The following ADGRV1 variants were observed in gnomAD, a reference collection of about 807,000 sequenced individuals.
ADGRV1 encodes the protein adhesion G protein-coupled receptor V1.
ADGRV1 carries 359 observed loss-of-function variants against 596.2 expected under a neutral mutation model. The ratio of observed to expected loss-of-function variants is 0.60; its 90% CI spans 0.55 to 0.66. The LOEUF is 0.66. ADGRV1 is among the 30% of genes least tolerant of loss of function. ADGRV1 has a pLI of 0.00. For missense variants in ADGRV1, 7,274 were observed against 7,575.6 expected, an observed-to-expected ratio of 0.96 and a Z score of 1.48; for synonymous variants, 2,681 against 2,679.2, an observed-to-expected ratio of 1.00 and a Z score of -0.02.
Position 90,558,814 on chromosome 5 carries a change from G to T in ADGRV1, c.-82G>T, listed in dbSNP as rs1321757708. On this transcript the variant is annotated 5_prime_UTR_variant, in exon 1 of 90. Coordinates refer to ENST00000405460, the MANE Select transcript of ADGRV1 (RefSeq NM_032119.4). ...CCTGTAGTGGTAGTAAGAATCAGCA[G>T]CGCGGGCAAGGAGTACGGACGGGAG... 4 of 1,376,540 alleles carry T rather than the reference G, an allele frequency of 2.9e-6. No individual in the cohort carries two copies. Among genetic ancestry groups the T allele is most frequent in the Non-Finnish European group, 4.1e-6 (4 of 987,186 alleles). 85.3% of individuals were successfully genotyped at this position (1,376,540 alleles called of 1,614,324 possible).
Position 90,652,361 on chromosome 5 carries a change from A to G in ADGRV1, c.3432A>G (p.Arg1144=). The G allele has an allele frequency of 6.3e-7, 1 of 1,593,506 alleles. No individual in the cohort carries two copies. Among genetic ancestry groups the G allele is most frequent in the South Asian group, 1.2e-5 (1 of 85,074 alleles). The change falls in exon 19 of 90, where the codon CGA becomes CGG. Residue 1144 remains arginine (R), a synonymous_variant. Transcript: ENST00000405460. ...TATTTTGTAGGATTTTGAGGCACCG[A>G]GGATACTTTGGTAGTGTTTCTGTAT... ...KTNAFWILRH[R]GYFGSVSVSW...
In ADGRV1 at chr5:90,763,412, A is replaced by C; in HGVS notation, c.12228A>C (p.Ile4076=). The change falls in exon 59 of 90, where the codon ATA becomes ATC. Residue 4076 remains isoleucine, a synonymous_variant. Transcript: ENST00000405460. ...GAACCGTCCGACTTGAGTGGACCAT[A>C]GATGAGAAGGCTAAACATAACCTTA... ...GKGTVRLEWT[I]DEKAKHNLSP... 1 of 1,613,788 alleles carries C rather than the reference A, an allele frequency of 6.2e-7. No individual in the cohort carries two copies. The highest frequency in any genetic ancestry group is 8.5e-7 in the Non-Finnish European group (1 of 1,179,722).
Position 90,829,105 on chromosome 5 carries a change from C to A in ADGRV1, c.16530C>A (p.His5510Gln), listed in dbSNP as rs754616936. The A allele has an allele frequency of 1.9e-6, 3 of 1,612,110 alleles. No individual in the cohort carries two copies. In the East Asian group the frequency reaches 6.7e-5, roughly 36 times the overall value. Residue 5510 changes from histidine to glutamine, a missense_variant, in exon 77 of 90, where the codon CAC (histidine) becomes CAA (glutamine). Coordinates refer to ENST00000405460, the MANE Select transcript of ADGRV1 (RefSeq NM_032119.4). ...TGGGTTCTCGGCTGGCAGTGGCTCA[C>A]AAGAAGGCCACTTTAATCAGTCTGC... ...FSVGSRLAVA[H>Q]KKATLISLQV...
intron 83 of ADGRV1, among the ~76,000 whole-genome samples, chr5:90,941,172 A>G (rs990411800): frequency 6.6e-6 from 1 of 152,172 alleles, no homozygotes; most frequent in Non-Finnish European, 1.5e-5. Context: ...AACACCATCC[A>G]AAGCAAATAA....
At chr5:91,077,628 G>C (rs559366066) in intron 86 of ADGRV1, among the ~76,000 whole-genome samples, 1 of 152,190 alleles carries the variant, frequency 6.6e-6, no homozygotes, top group Non-Finnish European at 1.5e-5. Flanking sequence ...AGGACAACTC[G>C]GCTTTTTGTG....
chr5:91,146,479 G>A (rs554864666), intron 87 of ADGRV1, among the ~76,000 whole-genome samples: 3 of 152,320 alleles, frequency 2.0e-5, no homozygotes, highest in Admixed American at 6.5e-5. Context: ...GAATGCATGC[G>A]TTAGCTTTAT....
At chr5:90,902,000 T>C (rs1301273100) in intron 83 of ADGRV1, among the ~76,000 whole-genome samples, 1 of 152,042 alleles carries the variant, frequency 6.6e-6, no homozygotes, top group South Asian at 2.1e-4. Flanking sequence ...AGGTGAAAGA[T>C]GGTGCTGATT....
chr5:91,043,935 T>G (rs1785577714), intron 85 of ADGRV1, among the ~76,000 whole-genome samples: 1 of 152,016 alleles, frequency 6.6e-6, no homozygotes. Flanking sequence ...ATTTTATATT[T>G]TGAACTCCCT....
intron 86 of ADGRV1, among the ~76,000 whole-genome samples, chr5:91,082,677 T>C (rs901138900): frequency 6.6e-6 from 1 of 152,202 alleles, no homozygotes; most frequent in African/African-American, 2.4e-5. Context: ...GAAAAAATTT[T>C]TGAGGCTGTT....
chr5:90,842,055 A>G (rs979942901), intron 78 of ADGRV1, among the ~76,000 whole-genome samples: 1 of 152,220 alleles, frequency 6.6e-6, no homozygotes, highest in African/African-American at 2.4e-5. Context: ...GTTTTTGGCC[A>G]GGGAAAGAGA....
intron 45 of ADGRV1, among the ~76,000 whole-genome samples, chr5:90,722,766 T>C (rs1751249250): frequency 7.9e-6 from 1 of 126,402 alleles, no homozygotes; most frequent in African/African-American, 3.0e-5. Context: ...AGGTCTCTGC[T>C]GGAGAGATAA....
In ADGRV1 at chr5:90,652,398, T is replaced by C. The variant is rs932681759; in HGVS notation, c.3469T>C (p.Phe1157Leu). ...FGSVSVSWQL[F>L]QNDSALQPGQ... ...TAGTGTTTCTGTATCTTGGCAGCTCTTTCAGAATGATTCTGCTTTGCAGCC... is the reference window on the plus strand; with the variant it reads ...TAGTGTTTCTGTATCTTGGCAGCTCCTTCAGAATGATTCTGCTTTGCAGCC... Residue 1157 changes from phenylalanine (F) to leucine (L), a missense_variant, in exon 19 of 90, where the codon TTT becomes CTT. Phe to Leu is a conservative substitution (Grantham distance 22). Coordinates refer to ENST00000405460, the MANE Select transcript of ADGRV1 (RefSeq NM_032119.4). The C allele has an allele frequency of 8.1e-6, 13 of 1,611,336 alleles. No homozygotes were observed. In the East Asian group the frequency reaches 8.9e-5, roughly 11 times the overall value.
chr5:90,892,502 T>C (rs760902374), intron 83 of ADGRV1, among the ~76,000 whole-genome samples: 8 of 152,092 alleles, frequency 5.3e-5, no homozygotes, highest in Non-Finnish European at 1.0e-4. Flanking sequence ...AAAAAAACTT[T>C]AGTGAAGTAA....
At chr5:91,143,751 C>CT (rs1192844781) in intron 87 of ADGRV1, among the ~76,000 whole-genome samples, 4 of 152,194 alleles carry the variant, frequency 2.6e-5, no homozygotes, top group Non-Finnish European at 4.4e-5. Context: ...AAGGTGGGGC[C>CT]TCAACAGGGG....
At chr5:91,141,498 G>C (rs1317507709) in intron 87 of ADGRV1, among the ~76,000 whole-genome samples, 1 of 151,998 alleles carries the variant, frequency 6.6e-6, no homozygotes, top group Non-Finnish European at 1.5e-5. Context: ...CAGTTAGATT[G>C]TGGATTCTTA....
chr5:90,832,790 G>A (rs1443894277), intron 77 of ADGRV1, among the ~76,000 whole-genome samples: 1 of 152,158 alleles, frequency 6.6e-6, no homozygotes. Flanking sequence ...GTGAGAGATA[G>A]GGATCTAGTT....
chr5:90,788,368 A>G (rs1350980635), intron 68 of ADGRV1, 58 bp downstream of exon 68: 21 of 1,444,930 alleles, frequency 1.5e-5, no homozygotes, highest in Non-Finnish European at 2.0e-5. Context: ...ATCAGAAAAT[A>G]CATTTACATT....
intron 20 of ADGRV1, among the ~76,000 whole-genome samples, chr5:90,656,719 G>A (rs186590449): frequency 5.0e-4 from 76 of 152,264 alleles, no homozygotes; most frequent in African/African-American, 1.7e-3. Flanking sequence ...CTCCACTGAG[G>A]TTATTGACAA....
chr5:90,921,228 TA>T (rs1773845592), intron 83 of ADGRV1, among the ~76,000 whole-genome samples: 1 of 152,250 alleles, frequency 6.6e-6, no homozygotes, highest in Non-Finnish European at 1.5e-5. Flanking sequence ...AACTTTTCTT[TA>T]AATAATATCA....
Sources: allele counts gnomAD v4.1 joint callset (sites outside exome capture counted in the v4.1 genomes callset), GRCh38; gene constraint gnomAD v4.1.1; transcripts MANE v1.5; gene names NCBI Gene and HGNC (gene_info 2026-07-23, HGNC 2026-07-21).